Variants in C10orf67 observed in about 807,000 individuals in gnomAD.
C10orf67 encodes chromosome 10 open reading frame 67.
In C10orf67, 60 loss-of-function variants were observed where a neutral mutation model predicts 35.6. The observed-to-expected ratio is 1.68, with a 90% CI of 1.37 to 2.09. The LOEUF (loss-of-function observed/expected upper bound fraction) is 2.09, where lower values mean the gene tolerates loss of function less well. Among genes scored for constraint, C10orf67 ranks in the 30% most tolerant of loss-of-function variants. The pLI, the probability that C10orf67 is intolerant of heterozygous loss-of-function variation, is 0.00. For missense variants in C10orf67, 474 were observed against 330.2 expected (o/e 1.44, Z -3.38); for synonymous variants, 167 against 115.8 (o/e 1.44, Z -2.84).
Position 23,280,892 on chromosome 10 carries a change from C to T in C10orf67, c.975+1121G>A, listed in dbSNP as rs778746732. On this transcript the variant is annotated intron_variant, in intron 8 of 15. Transcript: ENST00000636213. ...ATTGGCTTTCCACTCTATAAAAACA[C>T]TTTCAATTTTAATGACAATGTGCAC... Among the ~76,000 whole-genome samples, 39 of 152,180 alleles carry T rather than the reference C, an allele frequency of 2.6e-4. 4 individuals are homozygous for T. The highest frequency in any genetic ancestry group is 7.2e-4 in the Admixed American group (11 of 15,280).
At chr10:23,288,439 T>C (rs551238815) in intron 7 of C10orf67, among the ~76,000 whole-genome samples, 14 of 152,150 alleles carry the variant, frequency 9.2e-5, no homozygotes, top group African/African-American at 2.4e-4. Context: ...TGGACACAGA[T>C]TGGGGAACAA....
intron 13 of C10orf67, among the ~76,000 whole-genome samples, chr10:23,237,737 T>A (rs1465268935): frequency 6.6e-6 from 1 of 152,124 alleles, no homozygotes; most frequent in Non-Finnish European, 1.5e-5. Context: ...GCAAAACTAA[T>A]CTGTAGTGAT....
intron 5 of C10orf67, among the ~76,000 whole-genome samples, chr10:23,300,861 T>G (rs371291007): frequency 3.3e-5 from 5 of 152,314 alleles, no homozygotes; most frequent in African/African-American, 1.2e-4. Context: ...CTGACTGAGA[T>G]ACCAGAGATC....
intron 15 of C10orf67, among the ~76,000 whole-genome samples, chr10:23,208,729 C>T (rs1841224805): frequency 6.6e-6 from 1 of 152,162 alleles, no homozygotes; most frequent in South Asian, 2.1e-4. Flanking sequence ...TTATCCACAG[C>T]CTTTGCAGTT....
At chr10:23,247,127 TA>T (rs1379293535) in intron 12 of C10orf67, among the ~76,000 whole-genome samples, 2 of 152,064 alleles carry the variant, frequency 1.3e-5, no homozygotes, top group African/African-American at 4.8e-5. Context: ...TTGAAAAAAA[TA>T]TTTTTTTTTT....
At chr10:23,214,924 G>A (rs1225765350) in intron 15 of C10orf67, among the ~76,000 whole-genome samples, 1 of 152,146 alleles carries the variant, frequency 6.6e-6, no homozygotes, top group Non-Finnish European at 1.5e-5. Flanking sequence ...TTGGGAGGCT[G>A]AAGCAGGAGA....
At chr10:23,286,533 G>A (rs1449419678) in intron 7 of C10orf67, among the ~76,000 whole-genome samples, 1 of 86,732 alleles carries the variant, frequency 1.2e-5, no homozygotes, top group Non-Finnish European at 2.5e-5. Flanking sequence ...GGAAGGGTGG[G>A]AAGGGAAGGA....
At chr10:23,202,395 C>A (rs1360251519), downstream of C10orf67, 1 of 152,088 alleles carries the variant, frequency 6.6e-6, no homozygotes, top group Non-Finnish European at 1.5e-5. Flanking sequence ...CCGGCCTCAG[C>A]CCTTTCTGGC....
intron 8 of C10orf67, among the ~76,000 whole-genome samples, chr10:23,276,409 T>C (rs4748851): frequency 0.4 from 60,118 of 151,862 alleles, 15,139 homozygotes; most frequent in East Asian, 0.74. Context: ...TTGGGTGCTC[T>C]CCTTTTTAGA....
At chr10:23,217,184 T>G (rs558125962) in intron 15 of C10orf67, among the ~76,000 whole-genome samples, 1 of 152,180 alleles carries the variant, frequency 6.6e-6, no homozygotes, top group African/African-American at 2.4e-5. Flanking sequence ...ATTAAAGAAG[T>G]TGAACAAGCC....
chr10:23,282,024 C>T lies in C10orf67; in HGVS notation c.964G>A (p.Val322Ile), dbSNP rs1843381715. 1 of 623,894 alleles carries T rather than the reference C, an allele frequency of 1.6e-6. No individual in the cohort carries two copies. The highest frequency in any genetic ancestry group is 1.9e-5 in the African/African-American group (1 of 52,550). The allele number at this position is 623,894 out of a possible 1,614,324, so 38.6% of individuals were successfully genotyped here. The change falls in exon 8 of 16, where the codon GTT (valine) becomes ATT (isoleucine). Residue 322 changes from valine (V) to isoleucine (I), a missense_variant. Physicochemically the swap from Val to Ile is conservative, Grantham distance 29. Coordinates refer to ENST00000636213, the MANE Select transcript of C10orf67 (RefSeq NM_001371909.1). ...REELHYEKSL[V>I]QDVINKQKED... ...GTAAATCATCTTACCACATCCTGAACTAATGATTTTTCATAATGAAGCTCT... is the reference window on the plus strand; with the variant it reads ...GTAAATCATCTTACCACATCCTGAATTAATGATTTTTCATAATGAAGCTCT...
intron 7 of C10orf67, among the ~76,000 whole-genome samples, chr10:23,283,891 C>T (rs574363507): frequency 1.3e-5 from 2 of 152,164 alleles, no homozygotes; most frequent in South Asian, 2.1e-4. Context: ...TGCTCTCTGA[C>T]TCCGGGTCTG....
intron 4 of C10orf67, among the ~76,000 whole-genome samples, chr10:23,319,980 C>T (rs557294561): frequency 9.8e-5 from 15 of 152,308 alleles, no homozygotes; most frequent in African/African-American, 3.6e-4. Flanking sequence ...GCCACAGGTA[C>T]AGGTGACCAT....
intron 12 of C10orf67, among the ~76,000 whole-genome samples, chr10:23,246,358 T>A (rs1842316647): frequency 6.6e-6 from 1 of 152,012 alleles, no homozygotes; most frequent in East Asian, 1.9e-4. Context: ...AAAATAAAAG[T>A]TAGAAAGGAA....
intron 10 of C10orf67, among the ~76,000 whole-genome samples, chr10:23,255,349 T>C (rs1842572086): frequency 6.6e-6 from 1 of 152,244 alleles, no homozygotes; most frequent in African/African-American, 2.4e-5. Context: ...TTTCTTCATT[T>C]GATGTCCCCA....
chr10:23,247,577 A>G (rs1163385096), intron 12 of C10orf67, among the ~76,000 whole-genome samples: 1 of 152,238 alleles, frequency 6.6e-6, no homozygotes, highest in Non-Finnish European at 1.5e-5. Flanking sequence ...CAAGTGACAC[A>G]TGACTGTCAT....
At chr10:23,214,508 C>A (rs922788947) in intron 15 of C10orf67, among the ~76,000 whole-genome samples, 6 of 151,844 alleles carry the variant, frequency 4.0e-5, no homozygotes, top group African/African-American at 1.5e-4. Flanking sequence ...GTCATAAATG[C>A]ATTTATTAAT....
chr10:23,289,325 G>A (rs756113417), intron 7 of C10orf67, among the ~76,000 whole-genome samples: 10 of 152,004 alleles, frequency 6.6e-5, no homozygotes, highest in Non-Finnish European at 1.2e-4. Flanking sequence ...CACCACACTC[G>A]GCTAATTTTT....
At chr10:23,308,769 C>A (rs1844384086) in intron 4 of C10orf67, among the ~76,000 whole-genome samples, 1 of 152,102 alleles carries the variant, frequency 6.6e-6, no homozygotes, top group African/African-American at 2.4e-5. Context: ...AATAATAATA[C>A]CTGAATTGTG....
Sources: gnomAD v4.1 joint callset for allele counts (sites outside exome capture counted in the v4.1 genomes callset) on GRCh38, gnomAD v4.1.1 for gene constraint, MANE v1.5 for transcripts, NCBI Gene and HGNC (gene_info 2026-07-23, HGNC 2026-07-21) for gene names.